Variants in CCDC171 observed in about 807,000 individuals in gnomAD.
CCDC171 encodes coiled-coil domain containing 171, also known as coiled-coil domain-containing protein 171.
A neutral mutation model predicts 168.2 loss-of-function variants in CCDC171; 177 were observed. The observed-to-expected ratio is 1.05, with a 90% confidence interval of 0.93 to 1.19. The LOEUF (loss-of-function observed/expected upper bound fraction) is 1.19, where lower values mean the gene tolerates loss of function less well. CCDC171 is among the 50% of genes most tolerant of loss of function. The pLI is 0.00. For synonymous variants in CCDC171, 687 were observed against 540.8 expected, an observed-to-expected ratio of 1.27 and a Z score of -3.75; for missense variants, 1,991 against 1,539.0, an observed-to-expected ratio of 1.29 and a Z score of -4.91.
intron 3 of CCDC171, among the ~76,000 whole-genome samples, chr9:15,991,248 T>C (rs1832187768): frequency 6.6e-6 from 1 of 152,070 alleles, no homozygotes; most frequent in African/African-American, 2.4e-5. Flanking sequence ...CACAGTGCGA[T>C]CAAACTAGAA....
Position 15,905,366 on chromosome 9 carries a change from G to T in CCDC171, c.3601-14904G>T, listed in dbSNP as rs200243670. 2.0e-5 allele frequency among the ~76,000 whole-genome samples: 3 copies of T among 152,262 alleles called. No individual in the cohort carries two copies. In the East Asian group the frequency reaches 5.8e-4, roughly 29 times the overall value. On this transcript the variant is annotated intron_variant, in intron 24 of 25. Coordinates refer to ENST00000380701, the MANE Select transcript of CCDC171 (RefSeq NM_173550.4). ...TCAAACTAGAACTCGGGATTCAGAA[G>T]CTCACTCACAACCGCTCAACTACAT...
At chr9:15,639,846 A>T (rs2046462219) in intron 7 of CCDC171, among the ~76,000 whole-genome samples, 1 of 152,180 alleles carries the variant, frequency 6.6e-6, no homozygotes, top group Non-Finnish European at 1.5e-5. Context: ...TTTGGCCATT[A>T]ATAAAACAGT....
In CCDC171 at chr9:15,819,399, A is replaced by C. The variant is rs1012814178; in HGVS notation, c.3268-27303A>C. Among the ~76,000 whole-genome samples, 6 of 117,614 alleles carry C rather than the reference A, an allele frequency of 5.1e-5. 2 individuals are homozygous for C. The highest frequency in any genetic ancestry group is 4.8e-4 in the Admixed American group (6 of 12,434). The allele number at this position is 117,614 out of a possible 152,430, so 77.2% of individuals were successfully genotyped here. ...CTCCAATTAAAAGACACAGACTGGC[A>C]AATTGGATAGTCAAGACCCATCAGT... On this transcript the variant is annotated intron_variant, in intron 21 of 25. Coordinates refer to ENST00000380701, the MANE Select transcript of CCDC171 (RefSeq NM_173550.4).
At chr9:16,034,321 G>A (rs1184365205) in intron 6 of CCDC171, among the ~76,000 whole-genome samples, 1 of 152,132 alleles carries the variant, frequency 6.6e-6, no homozygotes, top group Non-Finnish European at 1.5e-5. Flanking sequence ...CAGGAGGGAG[G>A]CCACCTAATT....
chr9:15,775,573 C>T (rs1423231592), intron 18 of CCDC171, among the ~76,000 whole-genome samples: 1 of 152,178 alleles, frequency 6.6e-6, no homozygotes, highest in African/African-American at 2.4e-5. Context: ...CTGCCTTAGC[C>T]TCCCAAAGTG....
intron 1 of CCDC171, among the ~76,000 whole-genome samples, chr9:16,059,601 G>T (rs1208366244): frequency 7.3e-6 from 1 of 136,310 alleles, no homozygotes; most frequent in African/African-American, 2.8e-5. Context: ...TGCAAGCTCC[G>T]CTTCCCAGGT....
chr9:15,591,310 G>C, intron 4 of CCDC171, 56 bp from the exon 5 acceptor site: 1 of 1,103,102 alleles, frequency 9.1e-7, no homozygotes, highest in East Asian at 2.6e-5. Flanking sequence ...AGGTTTTGGG[G>C]CTCCTTGTTA....
In CCDC171 at chr9:15,598,142, A is replaced by G. The variant is rs1222769919; in HGVS notation, c.675+3970A>G. On this transcript the variant is annotated intron_variant, in intron 6 of 25. Coordinates refer to ENST00000380701, the MANE Select transcript of CCDC171 (RefSeq NM_173550.4). Reference sequence around the variant, plus strand: ...TTTTTGAAGGGTTTTTTGTGTCTCTATTTCCTTCAGTTCTCTTCTGATCTT... The same window carrying G: ...TTTTTGAAGGGTTTTTTGTGTCTCTGTTTCCTTCAGTTCTCTTCTGATCTT... Among the ~76,000 whole-genome samples, 3 of 151,572 alleles carry G rather than the reference A, an allele frequency of 2.0e-5. 1 individual carries two copies. Among genetic ancestry groups the G allele is most frequent in the African/African-American group, 2.4e-5 (1 of 41,208 alleles).
At chr9:15,580,390 A>G (rs2041014669) in intron 4 of CCDC171, among the ~76,000 whole-genome samples, 1 of 152,076 alleles carries the variant, frequency 6.6e-6, no homozygotes, top group Non-Finnish European at 1.5e-5. Flanking sequence ...AAACTAAAAA[A>G]CTAATTAAAC....
At chr9:15,813,080 G>A (rs551602350) in intron 21 of CCDC171, among the ~76,000 whole-genome samples, 3 of 152,302 alleles carry the variant, frequency 2.0e-5, no homozygotes, top group East Asian at 3.9e-4. Context: ...GGCCAAAAAC[G>A]CAGCCTGTGG....
chr9:15,577,537 A>G (rs188938568), intron 3 of CCDC171, among the ~76,000 whole-genome samples: 3 of 152,352 alleles, frequency 2.0e-5, no homozygotes, highest in Non-Finnish European at 4.4e-5. Flanking sequence ...GTTCAGGCTT[A>G]AATATATTAG....
intron 3 of CCDC171, among the ~76,000 whole-genome samples, chr9:15,989,963 G>C (rs1024726754): frequency 2.6e-5 from 4 of 152,212 alleles, no homozygotes; most frequent in Non-Finnish European, 4.4e-5. Context: ...TGGTGTACTT[G>C]AAAGTGACGG....
At chr9:15,654,634 C>G (rs549210196) in intron 7 of CCDC171, among the ~76,000 whole-genome samples, 2 of 152,242 alleles carry the variant, frequency 1.3e-5, no homozygotes, top group African/African-American at 4.8e-5. Context: ...TCAGATTAAT[C>G]AAGTTGAACA....
chr9:15,978,069 A>G (rs1193939626), downstream of CCDC171, among the ~76,000 whole-genome samples: 1 of 152,186 alleles, frequency 6.6e-6, no homozygotes, highest in East Asian at 1.9e-4. Context: ...AAAAGTGCAC[A>G]TGGAAAGCTT....
At chr9:15,647,512 A>G (rs1395878658) in intron 7 of CCDC171, among the ~76,000 whole-genome samples, 2 of 152,202 alleles carry the variant, frequency 1.3e-5, no homozygotes, top group Admixed American at 1.3e-4. Context: ...AGACTAATAA[A>G]GAAGAAAAGA....
chr9:15,918,708 A>T (rs1328288), intron 24 of CCDC171, among the ~76,000 whole-genome samples: 59,693 of 151,242 alleles, frequency 0.39, 12,025 homozygotes, highest in Non-Finnish European at 0.43. Context: ...ATAAATTAAC[A>T]TTTGTGTACT....
At chr9:15,930,320 A>C (rs1213554711) in intron 25 of CCDC171, among the ~76,000 whole-genome samples, 1 of 151,614 alleles carries the variant, frequency 6.6e-6, no homozygotes, top group African/African-American at 2.4e-5. Flanking sequence ...GAGTAGAATA[A>C]TTTACATATT....
chr9:15,725,680 C>T (rs1260108944), intron 14 of CCDC171, among the ~76,000 whole-genome samples: 1 of 152,072 alleles, frequency 6.6e-6, no homozygotes, highest in African/African-American at 2.4e-5. Flanking sequence ...GAACTCCTGA[C>T]CTCAGGTGAT....
intron 18 of CCDC171, among the ~76,000 whole-genome samples, chr9:15,768,264 G>C (rs1178396720): frequency 6.6e-6 from 1 of 151,206 alleles, no homozygotes; most frequent in African/African-American, 2.4e-5. Context: ...ACTTCCTTCT[G>C]AAAACTGTCT....
Sources: gnomAD v4.1 joint callset for allele counts (sites outside exome capture counted in the v4.1 genomes callset) on GRCh38, gnomAD v4.1.1 for gene constraint, MANE v1.5 for transcripts, NCBI Gene and HGNC (gene_info 2026-07-23, HGNC 2026-07-21) for gene names.